FAM156A: variants seen among roughly 807,000 people sequenced by gnomAD.
FAM156A encodes the protein protein FAM156A/FAM156B.
Position 52,980,782 on chromosome X carries a change from C to CTGTGTGTGTGTGTG in FAM156A, c.-434+14510_-434+14523dup, listed in dbSNP as rs1156303085. 8.3e-4 allele frequency among the ~76,000 whole-genome samples: 32 copies of CTGTGTGTGTGTGTG among 38,449 alleles called. 1 individual carries two copies. The highest frequency in any genetic ancestry group is 2.1e-3 in the East Asian group (2 of 954). 33.4% of individuals were successfully genotyped at this position (38,449 alleles called of 115,157 possible). ...AAGCAGCCTTTTGGTTAGGGTTCCT[C>CTGTGTGTGTGTGTG]TGTGTGTGTGTGTGTGTGTGTGTGT... On this transcript the variant is annotated intron_variant, in intron 1 of 4. Coordinates refer to the FAM156A transcript ENST00000610625.
At position 52,990,802 on chromosome X, in the gene FAM156A, A is replaced by AAAAG. The variant is rs1332891836; in HGVS notation, c.-434+4500_-434+4503dup. Among the ~76,000 whole-genome samples the AAAAG allele has an allele frequency of 3.6e-3, 298 of 83,591 alleles. 3 individuals are homozygous for AAAAG. The highest frequency in any genetic ancestry group is 0.014 in the African/African-American group (282 of 20,262). 72.6% of individuals were successfully genotyped at this position (83,591 alleles called of 115,157 possible). ...GTCAAGAAAAGAAAAGAAAAGAAAGAAAAGAAAAGAAAAGAAAAGAAAAGA... is the reference window on the plus strand; with the variant it reads ...GTCAAGAAAAGAAAAGAAAAGAAAGAAAAGAAAGAAAAGAAAAGAAAAGAAAAGA... On this transcript the variant is annotated intron_variant, in intron 1 of 4. Transcript: ENST00000610625.
intron 1 of FAM156A, among the ~76,000 whole-genome samples, chrX:52,993,647 C>G (rs1312449701): frequency 9.1e-6 from 1 of 110,312 alleles, no homozygotes; most frequent in African/African-American, 3.3e-5. Context: ...ACTCCCAACC[C>G]CAGGTGATCT....
chrX:52,980,851 T>TGTGTGTGTGTGTGTGG (rs1356126923), intron 1 of FAM156A, among the ~76,000 whole-genome samples: 2 of 43,961 alleles, frequency 4.5e-5, no homozygotes, highest in Admixed American at 2.4e-4. Context: ...TGTGTGTGTG[T>TGTGTGTGTGTGTGTGG]AGAGGGAGAG....
chrX:52,980,065 T>G (rs1282040592), intron 1 of FAM156A, among the ~76,000 whole-genome samples: 1 of 112,173 alleles, frequency 8.9e-6, no homozygotes, highest in African/African-American at 3.2e-5. Context: ...GCAAACAACT[T>G]TTTCCAGAGT....
intron 1 of FAM156A, among the ~76,000 whole-genome samples, chrX:52,994,564 A>G (rs1931028236): frequency 9.0e-6 from 1 of 111,267 alleles, no homozygotes; most frequent in Non-Finnish European, 1.9e-5. Context: ...ACCAGCTGGG[A>G]AACATCACAA....
intron 1 of FAM156A, among the ~76,000 whole-genome samples, chrX:52,993,477 C>T (rs896519518): frequency 5.3e-5 from 5 of 94,510 alleles, no homozygotes; most frequent in South Asian, 5.3e-4. Flanking sequence ...TGCAGTGGCG[C>T]GATTTTGGCT....
intron 1 of FAM156A, among the ~76,000 whole-genome samples, chrX:52,979,958 C>T (rs1454859830): frequency 8.9e-5 from 10 of 112,167 alleles, no homozygotes; most frequent in Non-Finnish European, 1.7e-4. Context: ...ATATCATCGC[C>T]CATTTTGGGG....
intron 1 of FAM156A, among the ~76,000 whole-genome samples, chrX:52,980,410 G>A (rs782045692): frequency 8.0e-5 from 9 of 111,985 alleles, no homozygotes; most frequent in African/African-American, 1.3e-4. Context: ...TGAACACACC[G>A]GCTATGCCCA....
intron 1 of FAM156A, among the ~76,000 whole-genome samples, chrX:52,981,174 C>T (rs782469984): frequency 1.8e-5 from 2 of 111,012 alleles, no homozygotes; most frequent in East Asian, 5.7e-4. Context: ...GTACTGTGGC[C>T]AAGCCAAGTT....
At chrX:52,977,041 T>C (rs1278785714) in intron 1 of FAM156A, among the ~76,000 whole-genome samples, 3 of 105,468 alleles carry the variant, frequency 2.8e-5, no homozygotes, top group African/African-American at 1.0e-4. Context: ...CACACACACA[T>C]ATATATATAC....
intron 1 of FAM156A, among the ~76,000 whole-genome samples, chrX:52,985,488 A>C (rs1556794220): frequency 9.4e-6 from 1 of 106,028 alleles, no homozygotes; most frequent in Non-Finnish European, 2.0e-5. Flanking sequence ...TTCCACCTTA[A>C]GAAACTAGAA....
chrX:52,987,501 A>G (rs1005400947), intron 1 of FAM156A, among the ~76,000 whole-genome samples: 1 of 110,285 alleles, frequency 9.1e-6, no homozygotes, highest in Non-Finnish European at 1.9e-5. Flanking sequence ...AAAAAATAAG[A>G]AAACTTAGCC....
At chrX:52,978,145 C>T (rs1201084121) in intron 1 of FAM156A, among the ~76,000 whole-genome samples, 1 of 111,295 alleles carries the variant, frequency 9.0e-6, no homozygotes, top group African/African-American at 3.3e-5. Context: ...TTAGGCTCCA[C>T]GATACCCTGT....
At position 52,990,797 on chromosome X, in the gene FAM156A, GAAAGAAAAGA is replaced by G. The variant is rs782744600; in HGVS notation, c.-434+4499_-434+4508del. On this transcript the variant is annotated intron_variant, in intron 1 of 4. Transcript: ENST00000610625. ...AGACTGTCAAGAAAAGAAAAGAAAA[GAAAGAAAAGA>G]AAAGAAAAGAAAAGAAAAGAAAAGA... 8.4e-3 allele frequency among the ~76,000 whole-genome samples: 585 copies of G among 69,585 alleles called. 7 individuals are homozygous for G. Among genetic ancestry groups the G allele is most frequent in the South Asian group, 0.028 (30 of 1,079 alleles). 60.4% of individuals were successfully genotyped at this position (69,585 alleles called of 115,157 possible). A position where few individuals can be genotyped will look rare whatever the true frequency, so the allele number is the denominator to read the frequency against.
chrX:52,983,417 G>T (rs138785320), intron 1 of FAM156A, among the ~76,000 whole-genome samples: 89 of 111,377 alleles, frequency 8.0e-4, no homozygotes, highest in African/African-American at 2.8e-3. Context: ...CCTTTTTTTG[G>T]CTTTCATTGC....
At chrX:52,992,032 C>T (rs1602065402) in intron 1 of FAM156A, among the ~76,000 whole-genome samples, 1 of 106,470 alleles carries the variant, frequency 9.4e-6, no homozygotes, top group East Asian at 3.0e-4. Flanking sequence ...CCTACCCTGC[C>T]TCAACTACTA....
chrX:52,979,645 TC>T (rs782782033), intron 1 of FAM156A, among the ~76,000 whole-genome samples: 7 of 111,131 alleles, frequency 6.3e-5, no homozygotes, highest in Non-Finnish European at 1.1e-4. Flanking sequence ...AGGACACCAG[TC>T]CCAGGATCCC....
intron 1 of FAM156A, among the ~76,000 whole-genome samples, chrX:52,993,418 T>C (rs1399176120): frequency 4.2e-5 from 4 of 95,703 alleles, no homozygotes; most frequent in Non-Finnish European, 8.4e-5. Context: ...CTTTTTTTTT[T>C]TTTTTTTTTT....
At chrX:52,973,463 C>T (rs1407197128) in intron 1 of FAM156A, among the ~76,000 whole-genome samples, 1 of 108,578 alleles carries the variant, frequency 9.2e-6, no homozygotes, top group African/African-American at 3.4e-5. Context: ...CTAATCAGCA[C>T]AATTTTTTTT....
Sources: allele counts gnomAD v4.1 joint callset (sites outside exome capture counted in the v4.1 genomes callset), GRCh38; gene constraint gnomAD v4.1.1; transcripts MANE v1.5; gene names NCBI Gene and HGNC (gene_info 2026-07-23, HGNC 2026-07-21).